The following UBE2T variants were observed in gnomAD, a reference collection of about 807,000 sequenced individuals.
UBE2T encodes the protein ubiquitin-conjugating enzyme E2 T.
Under a neutral mutation model 23.3 loss-of-function variants are expected in UBE2T, and 15 were observed. That is an observed-to-expected ratio of 0.64 (90% confidence interval 0.43 to 0.99). The LOEUF (loss-of-function observed/expected upper bound fraction) is 0.99. UBE2T is among the 50% of genes least tolerant of loss of function. The probability of loss-of-function intolerance (pLI) is 0.00; values close to 1 mark genes in which losing one functional copy is unlikely to be tolerated. For synonymous variants in UBE2T, 67 were observed against 78.4 expected, an observed-to-expected ratio of 0.85 and a Z score of 0.77; for missense variants, 197 against 234.9, an observed-to-expected ratio of 0.84 and a Z score of 1.05.
At position 202,340,987 on chromosome 1, in the gene UBE2T, C is replaced by A. The variant is rs72748752; in HGVS notation, c.-65+908G>T. Among the ~76,000 whole-genome samples the A allele has an allele frequency of 5.0e-3, 762 of 152,324 alleles. 10 individuals are homozygous for A. Among genetic ancestry groups the A allele is most frequent in the Non-Finnish European group, 7.8e-3 (532 of 68,030 alleles). Reference sequence around the variant, plus strand: ...ACTCTCCACAAACTCATGCTTCAGCCACACTGCACTATTCCTGCTGCCCAT... The same window carrying A: ...ACTCTCCACAAACTCATGCTTCAGCAACACTGCACTATTCCTGCTGCCCAT... On this transcript the variant is annotated intron_variant, in intron 1 of 6. Transcript: ENST00000646651.
intron 1 of UBE2T, among the ~76,000 whole-genome samples, chr1:202,338,383 G>C (rs788786): frequency 0.97 from 147,997 of 152,108 alleles, 72,079 homozygotes; most frequent in East Asian, 1. Context: ...TTAGGCCCAG[G>C]TAATATTGTA....
chr1:202,335,203 G>A lies in UBE2T; in HGVS notation c.110-145C>T, dbSNP rs958926408. 2.0e-5 allele frequency: 13 copies of A among 641,448 alleles called. No individual in the cohort carries two copies. In the Admixed American group the frequency reaches 3.8e-4, roughly 19 times the overall value. 39.7% of individuals were successfully genotyped at this position (641,448 alleles called of 1,614,324 possible). On this transcript the variant is annotated intron_variant, in intron 2 of 6. Transcript: ENST00000646651. This position sits in a 1 kb window ranked among gnomAD's most constrained non-coding sequence, Gnocchi z 4.0. ...TGCCAGGACTTTAACAAGTCCTCAT[G>A]CAACACACCACAATGCTAATGTACT...
Position 202,331,715 on chromosome 1 carries a change from A to G in UBE2T, c.*120T>C. On this transcript the variant is annotated 3_prime_UTR_variant, in exon 7 of 7. Transcript: ENST00000646651. Reference sequence around the variant, plus strand: ...AAAAGATTTCAAAATACATATGTACAAGATAAATAAACTACACAAAAATTA... The same window carrying G: ...AAAAGATTTCAAAATACATATGTACGAGATAAATAAACTACACAAAAATTA... 1 of 1,240,902 alleles carries G rather than the reference A, an allele frequency of 8.1e-7. No individual in the cohort carries two copies. The highest frequency in any genetic ancestry group is 1.1e-6 in the Non-Finnish European group (1 of 885,170). 76.9% of individuals were successfully genotyped at this position (1,240,902 alleles called of 1,614,324 possible).
chr1:202,332,927 A>C (rs1169253329), intron 6 of UBE2T, 83 bp downstream of exon 6: 24 of 450,806 alleles, frequency 5.3e-5, no homozygotes, highest in South Asian at 2.0e-4. Context: ...AAAAAAAAAA[A>C]AAAAAAAAAA....
chr1:202,338,847 C>G (rs1342696626), intron 1 of UBE2T, among the ~76,000 whole-genome samples: 2 of 150,390 alleles, frequency 1.3e-5, no homozygotes, highest in African/African-American at 2.5e-5. Flanking sequence ...GCACTCCAGC[C>G]TGGGAGGCAG....
chr1:202,334,956 A>C (rs894335819), intron 3 of UBE2T, 33 bp downstream of exon 3: 1 of 1,592,642 alleles, frequency 6.3e-7, no homozygotes, highest in African/African-American at 1.3e-5. Context: ...AATGCACTTC[A>C]CCATGTAGGT....
chr1:202,335,550 C>G lies in UBE2T; in HGVS notation c.109+96G>C, dbSNP rs866861633. 1 of 1,243,612 alleles carries G rather than the reference C, an allele frequency of 8.0e-7. No individual in the cohort carries two copies. The highest frequency in any genetic ancestry group is 1.5e-5 in the African/African-American group (1 of 67,920). The allele number at this position is 1,243,612 out of a possible 1,614,324, so 77.0% of individuals were successfully genotyped here. On this transcript the variant is annotated intron_variant, in intron 2 of 6. Transcript: ENST00000646651. This position sits in a 1 kb window ranked among gnomAD's most constrained non-coding sequence, Gnocchi z 4.0. ...ATGGTAGGGCACTCTGACCTTATAA[C>G]TGCTCCTTACTTTAGAAGAATACAC...
intron 3 of UBE2T, among the ~76,000 whole-genome samples, chr1:202,334,134 G>A (rs1037871984): frequency 3.9e-5 from 6 of 152,120 alleles, no homozygotes; most frequent in Non-Finnish European, 8.8e-5. Flanking sequence ...AGATGTCTAT[G>A]TTTCAACTGT....
intron 6 of UBE2T, among the ~76,000 whole-genome samples, chr1:202,332,259 C>T (rs570601361): frequency 4.3e-4 from 66 of 152,320 alleles, no homozygotes; most frequent in African/African-American, 1.6e-3. Context: ...TGAGGAAATT[C>T]TATCAACCTG....
At chr1:202,341,175 C>T (rs940334497) in intron 1 of UBE2T, among the ~76,000 whole-genome samples, 2 of 152,202 alleles carry the variant, frequency 1.3e-5, no homozygotes, top group African/African-American at 2.4e-5. Flanking sequence ...GTTTCTTCTC[C>T]TTAGGAGGAA....
chr1:202,333,063 A>C lies in UBE2T; in HGVS notation c.415T>G (p.Phe139Val). Residue 139 changes from phenylalanine to valine, a missense_variant, in exon 6 of 7, where the codon TTC becomes GTC. Coordinates refer to ENST00000646651, the MANE Select transcript of UBE2T (RefSeq NM_014176.4). The stretch of plus-strand genomic sequence containing the variant: ...GTCCACTGTCTGGCATTCTTGAGGA[A>C]GGCTGGCTTATTATATTTAAATTCT... Reference protein sequence around the residue: ...SSEFKYNKPAFLKNARQWTEK... With the variant: ...SSEFKYNKPAVLKNARQWTEK... 1 of 1,613,838 alleles carries C rather than the reference A, an allele frequency of 6.2e-7. No individual in the cohort carries two copies. Among genetic ancestry groups the C allele is most frequent in the Non-Finnish European group, 8.5e-7 (1 of 1,179,910 alleles).
chr1:202,336,741 A>C (rs1271880523), intron 1 of UBE2T, among the ~76,000 whole-genome samples: 2 of 152,140 alleles, frequency 1.3e-5, no homozygotes, highest in African/African-American at 4.8e-5. Flanking sequence ...CAAATGTTAA[A>C]TGTCCGAGTT....
chr1:202,335,759 C>T lies in UBE2T; in HGVS notation c.-5G>A. The T allele has an allele frequency of 1.9e-6, 3 of 1,613,458 alleles. No individual in the cohort carries two copies. The highest frequency in any genetic ancestry group is 2.5e-6 in the Non-Finnish European group (3 of 1,179,570). On this transcript the variant is annotated 5_prime_UTR_variant, in exon 2 of 7. Coordinates refer to ENST00000646651, the MANE Select transcript of UBE2T (RefSeq NM_014176.4). The surrounding 1 kb of genome is among the most constrained non-coding windows in gnomAD (Gnocchi z 4.0). Reference sequence around the variant, plus strand: ...CAGACGTGAAGCTCTCTGCATGATCCCCAAGTAGAAGGAACCACACACAGT... The same window carrying T: ...CAGACGTGAAGCTCTCTGCATGATCTCCAAGTAGAAGGAACCACACACAGT...
At position 202,334,996 on chromosome 1, in the gene UBE2T, G is replaced by A. The variant is rs147122531; in HGVS notation, c.172C>T (p.Pro58Ser). The A allele has an allele frequency of 1.2e-6, 2 of 1,612,428 alleles. No individual in the cohort carries two copies. Among genetic ancestry groups the A allele is most frequent in the Admixed American group, 3.3e-5 (2 of 59,830 alleles). Residue 58 changes from proline (P) to serine (S), a missense_variant, in exon 3 of 7, where the codon CCT becomes TCT. Transcript: ENST00000646651. The part of the protein sequence containing the change: ...KGVFKLEVII[P>S]ERYPFEPPQI... ...AAGCTGATTCATACTAACCTCTCAG[G>A]AATGATAACTTCTAGCTTAAAAACA...
Position 202,333,555 on chromosome 1 carries a change from C to T in UBE2T, c.180G>A (p.Arg60=), listed in dbSNP as rs1467345785. 6.2e-7 allele frequency: 1 copy of T among 1,610,102 alleles called. No homozygotes were observed. The highest frequency in any genetic ancestry group is 1.7e-5 in the Admixed American group (1 of 59,590). Residue 60 remains arginine, a splice_region_variant and synonymous_variant, in exon 4 of 7, where the codon AGG becomes AGA. Transcript: ENST00000646651. ...GGATCTGAGGAGGTTCAAATGGGTACCTATGAAAGAATAAGACAACAGATA... is the reference window on the plus strand; with the variant it reads ...GGATCTGAGGAGGTTCAAATGGGTATCTATGAAAGAATAAGACAACAGATA... ...VFKLEVIIPE[R]YPFEPPQIRF... is the part of the protein sequence containing the mutation.
Position 202,339,378 on chromosome 1 carries a change from TATCTGTGCC to T in UBE2T, c.-65+2508_-65+2516del, listed in dbSNP as rs150632855. Among the ~76,000 whole-genome samples the T allele has an allele frequency of 6.0e-4, 91 of 152,198 alleles. No homozygotes were observed. In the South Asian group the frequency reaches 0.011, roughly 18 times the overall value. ...TTCCATTTTCATTTCTAACACTGTT[TATCTGTGCC>T]ATCTTTTCTTTGATCAGTCTTGCTG... On this transcript the variant is annotated intron_variant, in intron 1 of 6. Transcript: ENST00000646651.
intron 1 of UBE2T, among the ~76,000 whole-genome samples, chr1:202,339,599 C>CAAAAAA (rs56088102): frequency 6.3e-5 from 5 of 79,032 alleles, no homozygotes; most frequent in African/African-American, 9.2e-5. Context: ...GACTCTGTCT[C>CAAAAAA]AAAAAAAAAA....
At chr1:202,340,200 A>G (rs1324036579) in intron 1 of UBE2T, among the ~76,000 whole-genome samples, 2 of 150,418 alleles carry the variant, frequency 1.3e-5, no homozygotes, top group African/African-American at 4.9e-5. Flanking sequence ...ACAGAGCAAG[A>G]CTCTGTCTCA....
chr1:202,340,731 G>A (rs545540421), intron 1 of UBE2T, among the ~76,000 whole-genome samples: 3 of 152,288 alleles, frequency 2.0e-5, no homozygotes, highest in African/African-American at 7.2e-5. Context: ...AGTATCACAA[G>A]TATAAAGTAT....
Sources: allele counts gnomAD v4.1 joint callset (sites outside exome capture counted in the v4.1 genomes callset), GRCh38; gene constraint gnomAD v4.1.1; non-coding constraint Gnocchi (gnomAD v3.1); transcripts MANE v1.5; gene names NCBI Gene and HGNC (gene_info 2026-07-23, HGNC 2026-07-21).